The following NUFIP2 variants were observed in gnomAD, a reference collection of about 807,000 sequenced individuals.
The protein encoded by NUFIP2 is FMR1-interacting protein NUFIP2.
Under a neutral mutation model 56.9 loss-of-function variants are expected in NUFIP2, and 6 were observed. The observed-to-expected ratio is 0.11, with a 90% CI of 0.06 to 0.21. The LOEUF (loss-of-function observed/expected upper bound fraction) is 0.21, where lower values mean the gene tolerates loss of function less well. Ranked by LOEUF, NUFIP2 falls within the 10% of genes least tolerant of loss-of-function variation. NUFIP2 has a pLI of 1.00. For missense variants in NUFIP2, 828 were observed against 826.8 expected, an observed-to-expected ratio of 1.00 and a Z score of -0.02; for synonymous variants, 321 against 298.2, an observed-to-expected ratio of 1.08 and a Z score of -0.79.
In NUFIP2 at chr17:29,258,610, C is replaced by CG. The variant is rs902795795; in HGVS notation, c.*5928_*5929insC. 3.9e-5 allele frequency: 6 copies of CG among 152,148 alleles called. No homozygotes were observed. The highest frequency in any genetic ancestry group is 3.3e-4 in the Admixed American group (5 of 15,278). 9.4% of individuals were successfully genotyped at this position (152,148 alleles called of 1,614,324 possible). On this transcript the variant is annotated 3_prime_UTR_variant, in exon 4 of 4. Transcript: ENST00000225388. ...TTAAACTATTTTCAGTAGTAGAAGA[C>CG]ATTTAAGGCCAAAAAGTGTACTATT...
In NUFIP2 at chr17:29,286,109, A is replaced by G; in HGVS notation, c.1885T>C (p.Ser629Pro). ...YEIESQNPLA[S>P]PTNTLLGSAK... is the part of the protein sequence containing the mutation. ...GAGCCTAACAAAGTGTTCGTAGGAG[A>G]GGCCAGAGGATTTTGACTTTCTATC... Residue 629 changes from serine to proline, a missense_variant, in exon 2 of 4, where the codon TCT becomes CCT. By Grantham distance (74) the Ser-to-Pro change is moderately conservative. Coordinates refer to ENST00000225388, the MANE Select transcript of NUFIP2 (RefSeq NM_020772.3). The G allele has an allele frequency of 3.1e-6, 5 of 1,614,054 alleles. No individual in the cohort carries two copies. The highest frequency in any genetic ancestry group is 4.2e-6 in the Non-Finnish European group (5 of 1,179,990).
chr17:29,292,685 C>T (rs2069223309), intron 1 of NUFIP2, among the ~76,000 whole-genome samples: 2 of 149,402 alleles, frequency 1.3e-5, no homozygotes, highest in African/African-American at 4.9e-5. Flanking sequence ...GCTTCGAGGC[C>T]GGCTCCCCGC....
rs780490757 is a variant in NUFIP2, at chr17:29,286,209, G to A, written c.1785C>T (p.Pro595=). 1 of 1,614,002 alleles carries A rather than the reference G, an allele frequency of 6.2e-7. No homozygotes were observed. Among genetic ancestry groups the A allele is most frequent in the East Asian group, 2.2e-5 (1 of 44,880 alleles). The change falls in exon 2 of 4, where the codon CCC becomes CCT. Residue 595 remains proline, a synonymous_variant. Transcript: ENST00000225388. ...CTTTCTGCAGGTCACCTATATGACT[G>A]GGTTCCAAGGATAAGGCTCCACTCT... ...TSESGALSLE[P]SHIGDLQKAD... is the part of the protein sequence containing the mutation.
At chr17:29,275,023 G>GTT (rs571066266) in intron 2 of NUFIP2, among the ~76,000 whole-genome samples, 3 of 146,120 alleles carry the variant, frequency 2.1e-5, no homozygotes, top group African/African-American at 7.6e-5. Context: ...TCTGAACTCA[G>GTT]TTTTTTTTTT....
chr17:29,278,202 GTTAT>G (rs1014014780), intron 2 of NUFIP2, among the ~76,000 whole-genome samples: 1 of 151,868 alleles, frequency 6.6e-6, no homozygotes, highest in African/African-American at 2.4e-5. Context: ...AGTTGTTTTT[GTTAT>G]TTTTCTCTTT....
Position 29,287,046 on chromosome 17 carries a change from A to G in NUFIP2, c.948T>C (p.Asp316=), listed in dbSNP as rs1396541492. 8 of 1,614,190 alleles carry G rather than the reference A, an allele frequency of 5.0e-6. No individual in the cohort carries two copies. The Admixed American group carries it at 1.0e-4, about 20-fold the overall frequency. ...SKPGVSSKKF[D]DRPKGKHASA... is the part of the protein sequence containing the mutation. ...AAGCATGCTTTCCTTTGGGCCGATC[A>G]TCAAACTTTTTGCTGCTCACACCAG... Residue 316 remains aspartate, a synonymous_variant, in exon 2 of 4, where the codon GAT becomes GAC. Coordinates refer to ENST00000225388, the MANE Select transcript of NUFIP2 (RefSeq NM_020772.3).
chr17:29,269,971 C>T (rs1158769258), intron 2 of NUFIP2, among the ~76,000 whole-genome samples: 2 of 152,058 alleles, frequency 1.3e-5, no homozygotes, highest in South Asian at 2.1e-4. Context: ...CCACCCGGCT[C>T]GGCCTCCCAA....
At chr17:29,273,125 T>C (rs574333775) in intron 2 of NUFIP2, among the ~76,000 whole-genome samples, 1 of 150,168 alleles carries the variant, frequency 6.7e-6, no homozygotes, top group East Asian at 2.0e-4. Flanking sequence ...CTGCAACCTC[T>C]GCCTCCTGGG....
intron 2 of NUFIP2, among the ~76,000 whole-genome samples, chr17:29,285,300 A>C (rs1402492794): frequency 3.3e-5 from 5 of 151,948 alleles, no homozygotes; most frequent in African/African-American, 1.2e-4. Context: ...ACTCTGTCTC[A>C]AAAACAAATA....
chr17:29,263,440 G>T lies in NUFIP2; in HGVS notation c.*1099C>A, dbSNP rs1012563582. The T allele has an allele frequency of 6.6e-6, 1 of 152,528 alleles. No individual in the cohort carries two copies. Among genetic ancestry groups the T allele is most frequent in the African/African-American group, 2.4e-5 (1 of 41,418 alleles). 9.4% of individuals were successfully genotyped at this position (152,528 alleles called of 1,614,324 possible). On this transcript the variant is annotated 3_prime_UTR_variant, in exon 4 of 4. Transcript: ENST00000225388. ...TGAAAACACACCTTCTACAGTCAGG[G>T]TTTATTATCTTCTCACTGGCTAAAA...
chr17:29,294,107 T>G lies in NUFIP2; in HGVS notation c.-48A>C. ...GCTGAGGCTGCGGGCTGCTGCACCGTCAGGATCTGAGACTGCTTCTCAGGG... is the reference window on the plus strand; with the variant it reads ...GCTGAGGCTGCGGGCTGCTGCACCGGCAGGATCTGAGACTGCTTCTCAGGG... On this transcript the variant is annotated 5_prime_UTR_variant, in exon 1 of 4. Coordinates refer to ENST00000225388, the MANE Select transcript of NUFIP2 (RefSeq NM_020772.3). 1 of 1,552,636 alleles carries G rather than the reference T, an allele frequency of 6.4e-7. No individual in the cohort carries two copies. The highest frequency in any genetic ancestry group is 8.7e-7 in the Non-Finnish European group (1 of 1,148,834).
At chr17:29,264,672 A>G in intron 3 of NUFIP2, 81 bp from the exon 4 acceptor site, 2 of 946,456 alleles carry the variant, frequency 2.1e-6, no homozygotes, top group Non-Finnish European at 1.7e-6. Flanking sequence ...CCAAATAACC[A>G]TCATTTAAAC....
Position 29,287,385 on chromosome 17 carries a change from C to G in NUFIP2, c.609G>C (p.Met203Ile). ...TACCATCATTATCTGCTCCTTTACC[C>G]ATATAACCATTAGTAATATAACCAG... ...NNSGYITNGY[M>I]GKGADNDGSG... The change falls in exon 2 of 4, where the codon ATG becomes ATC. Residue 203 changes from methionine (M) to isoleucine (I), a missense_variant. This residue lies in a region of NUFIP2 where 415 missense variants were observed against 408.7 expected (regional missense o/e 1.02). Transcript: ENST00000225388. The G allele has an allele frequency of 1.2e-6, 2 of 1,613,942 alleles. No individual in the cohort carries two copies. The highest frequency in any genetic ancestry group is 1.7e-6 in the Non-Finnish European group (2 of 1,179,854).
intron 2 of NUFIP2, among the ~76,000 whole-genome samples, chr17:29,268,003 CT>C (rs2153010924): frequency 1.3e-5 from 2 of 152,180 alleles, no homozygotes; most frequent in East Asian, 3.9e-4. Context: ...GGTTCCAGCG[CT>C]TCTCCTGTCT....
intron 2 of NUFIP2, among the ~76,000 whole-genome samples, chr17:29,273,218 T>C (rs1212035208): frequency 6.6e-6 from 1 of 152,148 alleles, no homozygotes; most frequent in African/African-American, 2.4e-5. Context: ...TTTGTAGTTT[T>C]AGTAGAGATG....
At chr17:29,274,915 T>C (rs1369750989) in intron 2 of NUFIP2, among the ~76,000 whole-genome samples, 1 of 152,120 alleles carries the variant, frequency 6.6e-6, no homozygotes, top group African/African-American at 2.4e-5. Flanking sequence ...GGGTTAATGC[T>C]AATTCACTAA....
chr17:29,273,581 T>A (rs2069089663), intron 2 of NUFIP2, among the ~76,000 whole-genome samples: 1 of 152,132 alleles, frequency 6.6e-6, no homozygotes, highest in Middle Eastern at 3.2e-3. Context: ...GATCACAGCA[T>A]CTAATTATGC....
intron 1 of NUFIP2, among the ~76,000 whole-genome samples, chr17:29,292,407 A>ATTT (rs35830192): frequency 7.1e-6 from 1 of 140,416 alleles, no homozygotes. Flanking sequence ...AGGTTTTTGG[A>ATTT]TTTTTTTTTT....
At chr17:29,290,825 G>A (rs1354603986) in intron 1 of NUFIP2, among the ~76,000 whole-genome samples, 2 of 151,664 alleles carry the variant, frequency 1.3e-5, no homozygotes, top group African/African-American at 2.4e-5. Context: ...TTGTATCCTT[G>A]GGCCCATTAG....
Sources: allele counts gnomAD v4.1 joint callset (sites outside exome capture counted in the v4.1 genomes callset), GRCh38; gene constraint gnomAD v4.1.1; regional missense constraint gnomAD v4.1.1; transcripts MANE v1.5; gene names NCBI Gene and HGNC (gene_info 2026-07-23, HGNC 2026-07-21).